Variants in DRC11 observed in about 807,000 individuals in gnomAD.
DRC11 encodes IQ and AAA domain-containing protein 1.
At chr2:236,368,111 G>A in the DRC11 span, 11 of 837,964 alleles carry the variant, frequency 1.3e-5, no homozygotes, top group Non-Finnish European at 2.2e-5. Context: ...TACTTTTGAT[G>A]ACAAACAGGA....
the DRC11 span, among the ~76,000 whole-genome samples, chr2:236,469,812 C>T: frequency 6.6e-6 from 1 of 152,194 alleles, no homozygotes; most frequent in Non-Finnish European, 1.5e-5. This position sits in a 1 kb window ranked among gnomAD's most constrained non-coding sequence, Gnocchi z 5.8. Flanking sequence ...ACTGCATAAA[C>T]AGCAACTCAT....
chr2:236,307,946 G>A, the DRC11 span, among the ~76,000 whole-genome samples: 1 of 146,124 alleles, frequency 6.8e-6, no homozygotes, highest in Non-Finnish European at 1.5e-5. This position sits in a 1 kb window ranked among gnomAD's most constrained non-coding sequence, Gnocchi z 7.0. Context: ...TGCTTGCAGT[G>A]ACACAAGCGT....
the DRC11 span, chr2:236,408,825 C>A: frequency 3.0e-5 from 20 of 661,400 alleles, no homozygotes; most frequent in African/African-American, 3.1e-4. This position sits in a 1 kb window ranked among gnomAD's most constrained non-coding sequence, Gnocchi z 5.5. Context: ...TGCCCATAGC[C>A]ACCATGGCAG....
the DRC11 span, among the ~76,000 whole-genome samples, chr2:236,369,724 C>G: frequency 1.3e-5 from 2 of 152,256 alleles, no homozygotes; most frequent in African/African-American, 2.4e-5. The surrounding 1 kb of genome is among the most constrained non-coding windows in gnomAD (Gnocchi z 4.5). Flanking sequence ...CTGCCAAGGT[C>G]TGAGACTCGC....
the DRC11 span, chr2:236,332,984 C>A: frequency 6.6e-6 from 1 of 152,226 alleles, no homozygotes; most frequent in Non-Finnish European, 1.5e-5. The surrounding 1 kb of genome is among the most constrained non-coding windows in gnomAD (Gnocchi z 5.1). Context: ...AATCCCTGAT[C>A]TACTCTGCTC....
At chr2:236,460,975 C>T in the DRC11 span, among the ~76,000 whole-genome samples, 2 of 152,120 alleles carry the variant, frequency 1.3e-5, no homozygotes, top group Non-Finnish European at 2.9e-5. The surrounding 1 kb of genome is among the most constrained non-coding windows in gnomAD (Gnocchi z 4.0). Flanking sequence ...AGGCTGGTCT[C>T]GAACTCCTGA....
At chr2:236,418,020 A>G in the DRC11 span, among the ~76,000 whole-genome samples, 1 of 152,142 alleles carries the variant, frequency 6.6e-6, no homozygotes, top group African/African-American at 2.4e-5. Flanking sequence ...GCTATTGTAA[A>G]TAGTGCTGCA....
At chr2:236,445,680 G>A in the DRC11 span, among the ~76,000 whole-genome samples, 3 of 151,842 alleles carry the variant, frequency 2.0e-5, no homozygotes, top group African/African-American at 4.8e-5. This position sits in a 1 kb window ranked among gnomAD's most constrained non-coding sequence, Gnocchi z 4.8. Flanking sequence ...CCTTTGTCAT[G>A]TTAGTTTATA....
chr2:236,491,161 A>G, the DRC11 span, among the ~76,000 whole-genome samples: 9 of 51,476 alleles, frequency 1.7e-4, no homozygotes, highest in Non-Finnish European at 2.6e-4. Context: ...TACACACAGT[A>G]TATATATATA....
chr2:236,489,551 C>T, the DRC11 span, among the ~76,000 whole-genome samples: 1 of 152,164 alleles, frequency 6.6e-6, no homozygotes, highest in Non-Finnish European at 1.5e-5. Context: ...AGCAAGGGAA[C>T]AGGGGCTCAT....
At chr2:236,416,363 G>A in the DRC11 span, among the ~76,000 whole-genome samples, 1 of 152,018 alleles carries the variant, frequency 6.6e-6, no homozygotes, top group Non-Finnish European at 1.5e-5. Context: ...AGCAATTCCT[G>A]GGGTGGGATT....
chr2:236,470,189 G>A, the DRC11 span, among the ~76,000 whole-genome samples: 1 of 152,152 alleles, frequency 6.6e-6, no homozygotes, highest in East Asian at 1.9e-4. The surrounding 1 kb of genome is among the most constrained non-coding windows in gnomAD (Gnocchi z 5.1). Flanking sequence ...AAGAGAAAAT[G>A]GACATTTGTC....
chr2:236,358,010 A>ACTC, the DRC11 span, among the ~76,000 whole-genome samples: 5 of 110,672 alleles, frequency 4.5e-5, no homozygotes, highest in South Asian at 2.7e-4. Flanking sequence ...ATATATTTAT[A>ACTC]ATATATAGAT....
chr2:236,375,351 G>A, the DRC11 span, among the ~76,000 whole-genome samples: 24,210 of 152,140 alleles, frequency 0.16, 2,156 homozygotes, highest in Admixed American at 0.22. The surrounding 1 kb of genome is among the most constrained non-coding windows in gnomAD (Gnocchi z 4.2). Flanking sequence ...AATCTACCAC[G>A]TGCCAGGCAC....
the DRC11 span, chr2:236,488,081 C>A: frequency 1.9e-5 from 31 of 1,608,970 alleles, no homozygotes; most frequent in Admixed American, 5.2e-4. Context: ...TATATTCTTG[C>A]AGATAGATTT....
chr2:236,374,954 G>T, the DRC11 span, among the ~76,000 whole-genome samples: 1 of 150,938 alleles, frequency 6.6e-6, no homozygotes, highest in Non-Finnish European at 1.5e-5. Flanking sequence ...GTCCACCTTG[G>T]CCTCCCAAAG....
chr2:236,459,660 CAT>C, the DRC11 span, among the ~76,000 whole-genome samples: 232 of 101,526 alleles, frequency 2.3e-3, 2 homozygotes, highest in Middle Eastern at 0.02. Context: ...TATGTATATA[CAT>C]ACGTATATAC....
the DRC11 span, among the ~76,000 whole-genome samples, chr2:236,419,651 G>T: frequency 6.6e-6 from 1 of 152,210 alleles, no homozygotes; most frequent in South Asian, 2.1e-4. This position sits in a 1 kb window ranked among gnomAD's most constrained non-coding sequence, Gnocchi z 4.8. Flanking sequence ...AATCCAGGGG[G>T]AGGATGCCAC....
At chr2:236,419,411 C>T in the DRC11 span, 2 of 1,341,086 alleles carry the variant, frequency 1.5e-6, no homozygotes, top group South Asian at 4.1e-5. The surrounding 1 kb of genome is among the most constrained non-coding windows in gnomAD (Gnocchi z 4.8). Context: ...CCGACCCCTT[C>T]TGGGGCATGG....
Sources: gnomAD v4.1 joint callset for allele counts (sites outside exome capture counted in the v4.1 genomes callset) on GRCh38, gnomAD v4.1.1 for gene constraint, Gnocchi (gnomAD v3.1) non-coding constraint, MANE v1.5 for transcripts, NCBI Gene and HGNC (gene_info 2026-07-23, HGNC 2026-07-21) for gene names.